TENM2: variants seen among roughly 807,000 people sequenced by gnomAD.
TENM2 encodes teneurin-2.
A neutral mutation model predicts 245.2 loss-of-function variants in TENM2; 52 were observed. The ratio of observed to expected loss-of-function variants is 0.21; its 90% CI spans 0.17 to 0.27. TENM2 has a LOEUF of 0.27. Ranked by LOEUF, TENM2 falls within the 10% of genes least tolerant of loss-of-function variation. TENM2 has a pLI of 1.00. For missense variants in TENM2, 3,046 were observed against 3,666.8 expected (o/e 0.83, Z 4.37); for synonymous variants, 1,363 against 1,438.9 (o/e 0.95, Z 1.19).
chr5:167,801,109 A>AAATATAT (rs1444227809), intron 2 of TENM2, among the ~76,000 whole-genome samples: 1 of 66,554 alleles, frequency 1.5e-5, no homozygotes, highest in Non-Finnish European at 2.7e-5. Flanking sequence ...AAAAAAAAAA[A>AAATATAT]ATATATATAT....
intron 2 of TENM2, among the ~76,000 whole-genome samples, chr5:167,580,318 A>C (rs193118568): frequency 3.3e-5 from 5 of 152,332 alleles, no homozygotes; most frequent in African/African-American, 1.2e-4. Context: ...ACTATTCACT[A>C]AAGTCGACTG....
At chr5:167,984,651 T>C (rs1485645794) in intron 4 of TENM2, among the ~76,000 whole-genome samples, 1 of 152,010 alleles carries the variant, frequency 6.6e-6, no homozygotes, top group Non-Finnish European at 1.5e-5. Context: ...CAAGACTTTG[T>C]CTTGGGGGAA....
the TENM2 span, chr5:167,116,404 G>A: frequency 6.6e-6 from 1 of 152,226 alleles, no homozygotes; most frequent in Non-Finnish European, 1.5e-5. Flanking sequence ...GAACATTCCA[G>A]AAGAAGCAAG....
chr5:167,835,660 C>A (rs1172330641), intron 2 of TENM2, among the ~76,000 whole-genome samples: 1 of 151,784 alleles, frequency 6.6e-6, no homozygotes, highest in African/African-American at 2.4e-5. Flanking sequence ...ATTGTAAGGA[C>A]ATGCATGAAT....
the TENM2 span, among the ~76,000 whole-genome samples, chr5:167,228,897 G>C: frequency 6.6e-6 from 1 of 151,960 alleles, no homozygotes; most frequent in East Asian, 1.9e-4. Context: ...TAGAGACGGG[G>C]TTTCAACATT....
At chr5:167,432,350 TCTC>T (rs1764301815) in intron 2 of TENM2, among the ~76,000 whole-genome samples, 1 of 151,828 alleles carries the variant, frequency 6.6e-6, no homozygotes, top group Admixed American at 6.6e-5. Context: ...TATCATTTCT[TCTC>T]CATACCGGAA....
Position 168,260,278 on chromosome 5 carries a change from C to T in TENM2, c.7433-5C>T. ...AGAAACCTTTATTTTTGTTTTCCACCATAGATGTGAAAAGCTGGCTTGTGA... is the reference window on the plus strand; with the variant it reads ...AGAAACCTTTATTTTTGTTTTCCACTATAGATGTGAAAAGCTGGCTTGTGA... On this transcript the variant is annotated splice_region_variant and splice_polypyrimidine_tract_variant and intron_variant, in intron 27 of 28. Coordinates refer to ENST00000518659, the Ensembl canonical transcript of TENM2. The T allele has an allele frequency of 6.2e-7, 1 of 1,613,870 alleles. No homozygotes were observed. The highest frequency in any genetic ancestry group is 8.5e-7 in the Non-Finnish European group (1 of 1,179,822).
the TENM2 span, among the ~76,000 whole-genome samples, chr5:167,264,478 G>A: frequency 1.6e-3 from 251 of 152,318 alleles, 2 homozygotes; most frequent in Admixed American, 5.4e-3. Flanking sequence ...AAATTAGATA[G>A]TTGAGCAGCG....
intron 4 of TENM2, among the ~76,000 whole-genome samples, chr5:167,987,326 C>T (rs918761834): frequency 1.3e-5 from 2 of 151,282 alleles, no homozygotes; most frequent in South Asian, 2.1e-4. Flanking sequence ...GGAGCTTCTT[C>T]GCTTCCTTTT....
chr5:167,080,255 A>G, the TENM2 span, among the ~76,000 whole-genome samples: 3 of 152,238 alleles, frequency 2.0e-5, no homozygotes, highest in African/African-American at 7.2e-5. Context: ...TTGGTCTTCT[A>G]GGCAAATTAT....
intron 12 of TENM2, among the ~76,000 whole-genome samples, chr5:168,141,047 A>G (rs1467815894): frequency 6.6e-6 from 1 of 151,950 alleles, no homozygotes; most frequent in Non-Finnish European, 1.5e-5. Flanking sequence ...TTTGCTACAT[A>G]GTCCCGCTGG....
At chr5:167,265,406 A>G in the TENM2 span, among the ~76,000 whole-genome samples, 16,805 of 151,334 alleles carry the variant, frequency 0.11, 1,098 homozygotes, top group East Asian at 0.19. Flanking sequence ...GATGAATGCT[A>G]GAATATTGGG....
At chr5:168,080,002 A>G (rs1791837260) in intron 7 of TENM2, among the ~76,000 whole-genome samples, 1 of 152,208 alleles carries the variant, frequency 6.6e-6, no homozygotes, top group South Asian at 2.1e-4. Context: ...TTCAGAAGGA[A>G]TGGCACCAGC....
Position 167,400,712 on chromosome 5 carries a change from G to T in TENM2, c.502+25239G>T, listed in dbSNP as rs532792927. ...CCTTTTAGGGGACAATCCAAGGAAGGTGAGTCAGTGGAAGAGATGGAGAAA... is the reference window on the plus strand; with the variant it reads ...CCTTTTAGGGGACAATCCAAGGAAGTTGAGTCAGTGGAAGAGATGGAGAAA... On this transcript the variant is annotated intron_variant, in intron 2 of 28. Transcript: ENST00000518659. 4.7e-4 allele frequency among the ~76,000 whole-genome samples: 72 copies of T among 152,204 alleles called. No individual in the cohort carries two copies. In the South Asian group the frequency reaches 0.015, roughly 31 times the overall value.
At chr5:167,728,778 C>T (rs1760216841) in intron 2 of TENM2, 3 of 152,522 alleles carry the variant, frequency 2.0e-5, no homozygotes, top group Non-Finnish European at 4.4e-5. Context: ...CTCCTGGAGA[C>T]AATGTTGGTG....
the TENM2 span, among the ~76,000 whole-genome samples, chr5:167,173,421 C>T: frequency 6.6e-6 from 1 of 152,156 alleles, no homozygotes; most frequent in African/African-American, 2.4e-5. Flanking sequence ...TGTAGAGGTT[C>T]CCAGATGGGC....
chr5:168,122,384 G>A (rs1051061975), intron 10 of TENM2, among the ~76,000 whole-genome samples: 12 of 152,030 alleles, frequency 7.9e-5, no homozygotes, highest in African/African-American at 2.9e-4. Flanking sequence ...CACCGTGTTA[G>A]CCAGGATGGT....
intron 2 of TENM2, among the ~76,000 whole-genome samples, chr5:167,713,386 T>C (rs1759038714): frequency 6.6e-6 from 1 of 151,460 alleles, no homozygotes; most frequent in South Asian, 2.1e-4. Flanking sequence ...TTCAGCTTCC[T>C]ATTTAACTTG....
intron 25 of TENM2, chr5:168,230,806 G>GCT (rs1562311695): frequency 6.6e-6 from 1 of 152,168 alleles, no homozygotes; most frequent in Admixed American, 6.5e-5. Context: ...ACTAGCTAAC[G>GCT]GTCTCATGGA....
Sources: gnomAD v4.1 joint callset for allele counts (sites outside exome capture counted in the v4.1 genomes callset) on GRCh38, gnomAD v4.1.1 for gene constraint, MANE v1.5 for transcripts, NCBI Gene and HGNC (gene_info 2026-07-23, HGNC 2026-07-21) for gene names.